CSMD3: variants seen among roughly 807,000 people sequenced by gnomAD.
The protein encoded by CSMD3 is CUB and sushi domain-containing protein 3.
A neutral mutation model predicts 435.2 loss-of-function variants in CSMD3; 177 were observed. The ratio of observed to expected loss-of-function variants is 0.41; its 90% CI spans 0.36 to 0.46. The LOEUF is 0.46. CSMD3 is among the 20% of genes least tolerant of loss of function. The probability of loss-of-function intolerance (pLI) is 0.34; values close to 1 mark genes in which losing one functional copy is unlikely to be tolerated. For missense variants in CSMD3, 4,265 were observed against 4,504.6 expected (o/e 0.95, Z 1.52); for synonymous variants, 1,656 against 1,520.5 (o/e 1.09, Z -2.07).
In CSMD3 at chr8:112,224,911, A is replaced by T. The variant is rs772826108; in HGVS notation, c.10984T>A (p.Tyr3662Asn). The change falls in exon 71 of 71, where the codon TAT becomes AAT. Residue 3662 changes from tyrosine to asparagine, a missense_variant. This residue lies in a region of CSMD3 where 3,255 missense variants were observed against 3,380.2 expected (regional missense o/e 0.96). Transcript: ENST00000297405. ...TTTTCATGAACTGAACATCCTGTAT[A>T]CTGTGTTTTAGGTGCAGTCCTGTTG... ...YKQRTAPKTQ[Y>N]TGCSVHENNN... The T allele has an allele frequency of 6.2e-7, 1 of 1,614,008 alleles. No homozygotes were observed. Among genetic ancestry groups the T allele is most frequent in the Non-Finnish European group, 8.5e-7 (1 of 1,179,892 alleles).
chr8:112,700,248 C>T (rs1320376879), intron 13 of CSMD3, among the ~76,000 whole-genome samples: 3 of 152,076 alleles, frequency 2.0e-5, no homozygotes, highest in Non-Finnish European at 4.4e-5. Context: ...TGGCTGTAAT[C>T]CCAGCACTTT....
intron 3 of CSMD3, among the ~76,000 whole-genome samples, chr8:113,232,079 T>A (rs775956741): frequency 9.2e-5 from 14 of 151,570 alleles, no homozygotes; most frequent in Non-Finnish European, 1.9e-4. Flanking sequence ...CCTTGAAATT[T>A]TATCTCATTA....
intron 63 of CSMD3, 51 bp downstream of exon 63, chr8:112,254,202 G>T: frequency 1.6e-6 from 2 of 1,241,032 alleles, no homozygotes; most frequent in Non-Finnish European, 2.4e-6. Flanking sequence ...ATGAACCAAA[G>T]ACGCATTCTG....
At chr8:112,793,905 CTT>C (rs763984392) in intron 13 of CSMD3, among the ~76,000 whole-genome samples, 6 of 152,146 alleles carry the variant, frequency 3.9e-5, no homozygotes, top group Non-Finnish European at 7.4e-5. Context: ...TTAGACTAAA[CTT>C]AATTTAACAC....
intron 6 of CSMD3, among the ~76,000 whole-genome samples, chr8:113,007,810 T>G (rs983661459): frequency 6.6e-6 from 1 of 151,974 alleles, no homozygotes; most frequent in Non-Finnish European, 1.5e-5. Context: ...GCATTTGTGA[T>G]ATTTTTCTTT....
At chr8:112,873,556 C>T (rs954809745) in intron 10 of CSMD3, among the ~76,000 whole-genome samples, 14 of 152,102 alleles carry the variant, frequency 9.2e-5, no homozygotes, top group African/African-American at 3.4e-4. Flanking sequence ...ATGTCAGCAA[C>T]TACATTTTGC....
chr8:112,709,832 T>C (rs2076574228), intron 13 of CSMD3, among the ~76,000 whole-genome samples: 1 of 152,044 alleles, frequency 6.6e-6, no homozygotes, highest in Non-Finnish European at 1.5e-5. Context: ...GTTAGGGTTT[T>C]AATGAGAGAA....
At position 113,278,443 on chromosome 8, in the gene CSMD3, A is replaced by G. The variant is rs2093588262; in HGVS notation, c.514+149T>C. 1.6e-5 allele frequency: 10 copies of G among 609,946 alleles called. No individual in the cohort carries two copies. The South Asian group carries it at 1.6e-4, about 10-fold the overall frequency. 37.8% of individuals were successfully genotyped at this position (609,946 alleles called of 1,614,324 possible). ...AACCCACTAAGTATAGCATTTTACT[A>G]TACATTAATGATTAATAACAAGATA... On this transcript the variant is annotated intron_variant, in intron 3 of 70. Coordinates refer to ENST00000297405, the MANE Select transcript of CSMD3 (RefSeq NM_198123.2).
At chr8:113,037,175 G>A (rs528056596) in intron 5 of CSMD3, among the ~76,000 whole-genome samples, 61 of 152,156 alleles carry the variant, frequency 4.0e-4, no homozygotes, top group Middle Eastern at 6.8e-3. Flanking sequence ...TAAGAGAAGG[G>A]AGCATTACAA....
intron 39 of CSMD3, 132 bp from the exon 40 acceptor site, chr8:112,351,376 G>A: frequency 1.6e-6 from 1 of 619,330 alleles, no homozygotes; most frequent in South Asian, 2.0e-5. Flanking sequence ...TTACTTATAT[G>A]AAAATCTTAG....
In CSMD3 at chr8:113,023,850, A is replaced by G. The variant is rs537607537; in HGVS notation, c.918-4671T>C. Among the ~76,000 whole-genome samples the G allele has an allele frequency of 5.5e-4, 83 of 152,246 alleles. 1 individual carries two copies. Among genetic ancestry groups the G allele is most frequent in the Non-Finnish European group, 1.0e-3 (68 of 67,984 alleles). On this transcript the variant is annotated intron_variant, in intron 5 of 70. Transcript: ENST00000297405. ...TACAATGTGCTGTTTCAGTACATAC[A>G]TACATTGTGTAATGATCAAATCAGA...
intron 27 of CSMD3, among the ~76,000 whole-genome samples, chr8:112,543,641 G>C (rs1333990797): frequency 6.6e-6 from 1 of 152,036 alleles, no homozygotes; most frequent in Non-Finnish European, 1.5e-5. Context: ...ACGCAAAATG[G>C]TGCCAGCCAC....
At chr8:112,889,957 C>T (rs1282984039) in intron 10 of CSMD3, among the ~76,000 whole-genome samples, 1 of 151,530 alleles carries the variant, frequency 6.6e-6, no homozygotes, top group Non-Finnish European at 1.5e-5. Context: ...GCCAGATCAT[C>T]ACTGCTGAGG....
intron 1 of CSMD3, among the ~76,000 whole-genome samples, chr8:113,347,095 T>G (rs1460064241): frequency 6.6e-6 from 1 of 152,066 alleles, no homozygotes; most frequent in African/African-American, 2.4e-5. Flanking sequence ...TCTTATTACC[T>G]GAACATGTCT....
chr8:112,506,975 T>A, intron 28 of CSMD3, 146 bp from the exon 29 acceptor site: 1 of 702,036 alleles, frequency 1.4e-6, no homozygotes, highest in East Asian at 2.7e-5. Flanking sequence ...GGATACAGCA[T>A]TATGTTTCAA....
chr8:112,343,085 A>AAAT (rs1825334362), intron 41 of CSMD3, among the ~76,000 whole-genome samples: 8 of 145,174 alleles, frequency 5.5e-5, no homozygotes, highest in Non-Finnish European at 1.2e-4. Flanking sequence ...CAAAGAAAAG[A>AAAT]GTATGGTTAT....
chr8:112,608,360 C>G (rs1354355255), intron 22 of CSMD3, among the ~76,000 whole-genome samples: 1 of 151,936 alleles, frequency 6.6e-6, no homozygotes, highest in Non-Finnish European at 1.5e-5. Context: ...GTAGAAATAC[C>G]TATACGTTCC....
intron 13 of CSMD3, among the ~76,000 whole-genome samples, chr8:112,748,716 A>G (rs937554622): frequency 4.6e-5 from 7 of 152,162 alleles, no homozygotes; most frequent in Non-Finnish European, 8.8e-5. Context: ...TATATGTACC[A>G]TATTTTCTTT....
intron 35 of CSMD3, among the ~76,000 whole-genome samples, chr8:112,398,207 G>A (rs949548710): frequency 5.9e-5 from 9 of 152,148 alleles, no homozygotes; most frequent in Non-Finnish European, 1.2e-4. Flanking sequence ...TGGGCCTATG[G>A]TCTCACCTCC....
Sources: allele counts gnomAD v4.1 joint callset (sites outside exome capture counted in the v4.1 genomes callset), GRCh38; gene constraint gnomAD v4.1.1; regional missense constraint gnomAD v4.1.1; transcripts MANE v1.5; gene names NCBI Gene and HGNC (gene_info 2026-07-23, HGNC 2026-07-21).